The following OTUD7A variants were observed in gnomAD, a reference collection of about 807,000 sequenced individuals.
OTUD7A encodes OTU deubiquitinase 7A, also known as OTU domain-containing protein 7A.
OTUD7A carries 12 observed loss-of-function variants against 65.7 expected under a neutral mutation model. The ratio of observed to expected loss-of-function variants is 0.18; its 90% confidence interval spans 0.12 to 0.30. OTUD7A has a LOEUF of 0.30. Among genes scored for constraint, OTUD7A ranks in the 10% least tolerant of loss-of-function variants. The pLI is 1.00. For missense variants in OTUD7A, 1,148 were observed against 1,304.8 expected (o/e 0.88, Z 1.85); for synonymous variants, 641 against 586.3 (o/e 1.09, Z -1.35).
chr15:31,626,992 T>C (rs924775677), intron 3 of OTUD7A, among the ~76,000 whole-genome samples: 1 of 151,696 alleles, frequency 6.6e-6, no homozygotes, highest in African/African-American at 2.4e-5. Context: ...CCTCAGCAAG[T>C]TGTAATCTTG....
In OTUD7A at chr15:31,487,337, C is replaced by A. The variant is rs1326886208; in HGVS notation, c.1287-59G>T. The A allele has an allele frequency of 1.9e-6, 3 of 1,592,170 alleles. No homozygotes were observed. The highest frequency in any genetic ancestry group is 2.6e-6 in the Non-Finnish European group (3 of 1,161,894). ...TGAGCTGGCCCTTATAGCACCCAGT[C>A]CACTTGCATGCCAGCTGTCCCAGGA... On this transcript the variant is annotated intron_variant, in intron 11 of 12. Transcript: ENST00000307050. This position sits in a 1 kb window ranked among gnomAD's most constrained non-coding sequence, Gnocchi z 6.0.
At chr15:31,575,989 G>A (rs1331376419) in intron 3 of OTUD7A, among the ~76,000 whole-genome samples, 1 of 151,590 alleles carries the variant, frequency 6.6e-6, no homozygotes, top group Non-Finnish European at 1.5e-5. Context: ...AAGTACTGAG[G>A]GATATATTTA....
At chr15:31,578,035 G>A (rs564270896) in intron 3 of OTUD7A, among the ~76,000 whole-genome samples, 1 of 152,166 alleles carries the variant, frequency 6.6e-6, no homozygotes, top group African/African-American at 2.4e-5. Flanking sequence ...GAACATAATA[G>A]TGTAAACCAA....
chr15:31,531,520 CAAA>C (rs60332452), intron 5 of OTUD7A, among the ~76,000 whole-genome samples: 4 of 80,158 alleles, frequency 5.0e-5, no homozygotes, highest in Non-Finnish European at 7.4e-5. Context: ...GAGTAGGCCA[CAAA>C]AAAAAAAAAA....
intron 8 of OTUD7A, among the ~76,000 whole-genome samples, chr15:31,506,895 A>T (rs1440271188): frequency 2.0e-5 from 3 of 152,108 alleles, no homozygotes; most frequent in African/African-American, 7.2e-5. Flanking sequence ...GCTACTATAT[A>T]GTTTATATTT....
At chr15:31,839,592 C>A (rs1172901846) in intron 1 of OTUD7A, among the ~76,000 whole-genome samples, 1 of 152,206 alleles carries the variant, frequency 6.6e-6, no homozygotes, top group Non-Finnish European at 1.5e-5. Flanking sequence ...TGCACAGAAG[C>A]ACGTGTGAGA....
At position 31,818,048 on chromosome 15, in the gene OTUD7A, T is replaced by C. The variant is rs561936708; in HGVS notation, c.-100+52459A>G. Among the ~76,000 whole-genome samples the C allele has an allele frequency of 5.9e-5, 9 of 152,258 alleles. No homozygotes were observed. In the South Asian group the frequency reaches 8.3e-4, roughly 14 times the overall value. On this transcript the variant is annotated intron_variant, in intron 1 of 12. Transcript: ENST00000307050. ...ATGTCACGTTCATCCCGTTTGCCCT[T>C]CTATCTCCCCCCAACTGAGGAAACA...
At chr15:31,569,941 T>G in intron 4 of OTUD7A, 77 bp downstream of exon 4, 14 of 1,526,340 alleles carry the variant, frequency 9.2e-6, no homozygotes, top group East Asian at 2.3e-5. Flanking sequence ...CACCATTCTT[T>G]GTACCACGCA....
At chr15:31,633,776 G>A (rs1017114446) in intron 3 of OTUD7A, among the ~76,000 whole-genome samples, 1 of 152,110 alleles carries the variant, frequency 6.6e-6, no homozygotes, top group African/African-American at 2.4e-5. Context: ...GTGATGGCCT[G>A]GACCCCATAA....
At chr15:31,590,253 G>C (rs1889679593) in intron 3 of OTUD7A, among the ~76,000 whole-genome samples, 3 of 152,174 alleles carry the variant, frequency 2.0e-5, no homozygotes, top group Admixed American at 1.3e-4. Context: ...TTATAGCCTA[G>C]AGCCTAGGTA....
intron 5 of OTUD7A, among the ~76,000 whole-genome samples, chr15:31,550,988 T>G (rs548149854): frequency 6.6e-6 from 1 of 152,260 alleles, no homozygotes; most frequent in East Asian, 1.9e-4. Context: ...GCCCAGGCTG[T>G]TGAGACTGTG....
At chr15:31,677,994 G>A (rs755138366) in intron 1 of OTUD7A, among the ~76,000 whole-genome samples, 2 of 152,238 alleles carry the variant, frequency 1.3e-5, no homozygotes, top group Non-Finnish European at 2.9e-5. Context: ...AGTCCAGGCT[G>A]AGGTGGTCTC....
chr15:31,609,774 CAG>C (rs1454425801), intron 3 of OTUD7A, among the ~76,000 whole-genome samples: 3 of 152,208 alleles, frequency 2.0e-5, no homozygotes, highest in African/African-American at 7.2e-5. Flanking sequence ...GGCACAAAAA[CAG>C]AACATTAAAC....
chr15:31,811,888 C>T (rs1896426774), intron 1 of OTUD7A, among the ~76,000 whole-genome samples: 1 of 152,210 alleles, frequency 6.6e-6, no homozygotes, highest in African/African-American at 2.4e-5. Context: ...CAACAGTGAG[C>T]ATTCACTCAC....
At chr15:31,843,915 C>T (rs913146819) in intron 1 of OTUD7A, among the ~76,000 whole-genome samples, 2 of 152,124 alleles carry the variant, frequency 1.3e-5, no homozygotes, top group African/African-American at 2.4e-5. Context: ...ACAGTTTACA[C>T]GGTTCGCACT....
chr15:31,702,701 C>G (rs1038478574), intron 1 of OTUD7A, among the ~76,000 whole-genome samples: 1 of 151,884 alleles, frequency 6.6e-6, no homozygotes, highest in Non-Finnish European at 1.5e-5. Context: ...AATTGACAGA[C>G]AATTCCTGTC....
intron 3 of OTUD7A, among the ~76,000 whole-genome samples, chr15:31,622,692 C>A (rs9652465): frequency 0.029 from 4,369 of 152,238 alleles, 239 homozygotes; most frequent in African/African-American, 0.098. Flanking sequence ...TTTTTAACTT[C>A]TTTGTGATGG....
At chr15:31,744,317 G>A (rs1894419496) in intron 1 of OTUD7A, among the ~76,000 whole-genome samples, 1 of 152,090 alleles carries the variant, frequency 6.6e-6, no homozygotes, top group South Asian at 2.1e-4. Context: ...GAAAAGAACA[G>A]ATCAACAACC....
chr15:31,744,323 C>A (rs563575176), intron 1 of OTUD7A, among the ~76,000 whole-genome samples: 1 of 152,224 alleles, frequency 6.6e-6, no homozygotes, highest in South Asian at 2.1e-4. Flanking sequence ...AACAGATCAA[C>A]AACCAACATG....
Sources: allele counts gnomAD v4.1 joint callset (sites outside exome capture counted in the v4.1 genomes callset), GRCh38; gene constraint gnomAD v4.1.1; non-coding constraint Gnocchi (gnomAD v3.1); transcripts MANE v1.5; gene names NCBI Gene and HGNC (gene_info 2026-07-23, HGNC 2026-07-21).